Variants in PRLR observed in about 807,000 individuals in gnomAD.
PRLR encodes the protein hPRL receptor.
Under a neutral mutation model 40.2 loss-of-function variants are expected in PRLR, and 13 were observed. The ratio of observed to expected loss-of-function variants is 0.32; its 90% CI spans 0.21 to 0.51. The LOEUF is 0.51. PRLR is among the 20% of genes least tolerant of loss of function. The pLI is 0.97. For synonymous variants in PRLR, 269 were observed against 278.7 expected, an observed-to-expected ratio of 0.97 and a Z score of 0.35; for missense variants, 656 against 747.3, an observed-to-expected ratio of 0.88 and a Z score of 1.42.
In PRLR at chr5:35,084,653, T is replaced by C; in HGVS notation, c.204-14A>G. ...ATGAGTGTCTCTCTGCAATAAGTAA[T>C]GTATTAGGAATGAATAAGAAAGTAA... On this transcript the variant is annotated splice_polypyrimidine_tract_variant and intron_variant, in intron 4 of 9. Transcript: ENST00000618457. 2 of 1,607,082 alleles carry C rather than the reference T, an allele frequency of 1.2e-6. No individual in the cohort carries two copies. The highest frequency in any genetic ancestry group is 1.1e-5 in the South Asian group (1 of 89,632).
At chr5:35,109,388 ACTT>A (rs1220462702) in intron 2 of PRLR, among the ~76,000 whole-genome samples, 1 of 152,158 alleles carries the variant, frequency 6.6e-6, no homozygotes, top group African/African-American at 2.4e-5. Context: ...AAACTAAAGA[ACTT>A]CTGCCCAGCA....
chr5:35,049,252 T>C, exon 9 of PRLR: 1 of 703,006 alleles, frequency 1.4e-6, no homozygotes, highest in Non-Finnish European at 2.6e-6. Context: ...GGAGAAAATG[T>C]TGAGTTCCTG....
intron 2 of PRLR, among the ~76,000 whole-genome samples, chr5:35,097,657 GC>G (rs544032889): frequency 3.3e-5 from 5 of 152,164 alleles, no homozygotes; most frequent in Non-Finnish European, 5.9e-5. Flanking sequence ...CTCTAAGGCA[GC>G]CCTCTTCCTA....
chr5:35,108,606 C>G (rs961627738), intron 2 of PRLR, among the ~76,000 whole-genome samples: 1 of 152,090 alleles, frequency 6.6e-6, no homozygotes, highest in African/African-American at 2.4e-5. Flanking sequence ...GAGTGAACTC[C>G]CATTCACAAT....
At chr5:35,103,605 A>G (rs1286871723) in intron 2 of PRLR, among the ~76,000 whole-genome samples, 2 of 152,214 alleles carry the variant, frequency 1.3e-5, no homozygotes, top group African/African-American at 4.8e-5. Flanking sequence ...AAAACTCAAA[A>G]TGTTAGTCAA....
intron 2 of PRLR, among the ~76,000 whole-genome samples, chr5:35,115,248 GTCTC>G (rs1772939042): frequency 6.6e-6 from 1 of 152,140 alleles, no homozygotes; most frequent in African/African-American, 2.4e-5. Flanking sequence ...AATCGTTTCA[GTCTC>G]TCCACTGCAA....
intron 9 of PRLR, among the ~76,000 whole-genome samples, chr5:35,066,865 G>T (rs534786413): frequency 3.1e-4 from 46 of 148,306 alleles, no homozygotes; most frequent in African/African-American, 1.2e-3. Context: ...CCGGGTTCAC[G>T]CCATTCTCCT....
chr5:35,191,835 C>T (rs528620191), intron 1 of PRLR, among the ~76,000 whole-genome samples: 40 of 152,334 alleles, frequency 2.6e-4, no homozygotes, highest in African/African-American at 6.7e-4. Flanking sequence ...TGCACCCTTA[C>T]GATTTCAGCT....
chr5:35,228,525 A>G (rs923990846), intron 1 of PRLR, among the ~76,000 whole-genome samples: 2 of 152,200 alleles, frequency 1.3e-5, no homozygotes, highest in African/African-American at 2.4e-5. Flanking sequence ...TTCATTTCCA[A>G]ACAAAGCCTT....
chr5:35,149,032 G>A (rs570338470), intron 1 of PRLR, among the ~76,000 whole-genome samples: 4 of 152,198 alleles, frequency 2.6e-5, no homozygotes, highest in African/African-American at 9.6e-5. Context: ...GCAAGAAGAT[G>A]GCCTTGAGAA....
Position 35,065,220 on chromosome 5 carries a change from G to T in PRLR, c.1738C>A (p.Pro580Thr). Residue 580 changes from proline to threonine, a missense_variant, in exon 10 of 10, where the codon CCA becomes ACA. By Grantham distance (38) the Pro-to-Thr change is conservative. Around this residue, in one of 3 missense-constraint regions of PRLR, gnomAD observed 469 missense variants for 491.5 expected, o/e 0.95. Coordinates refer to ENST00000618457, the MANE Select transcript of PRLR (RefSeq NM_000949.7). ...ACFEESAKEA[P>T]PSLEQNQAEK... ...GCTTGATTCTGTTCAAGTGATGGTG[G>T]GGCCTCTTTGGCTGATTCTTCAAAG... The T allele has an allele frequency of 1.2e-6, 2 of 1,614,118 alleles. No homozygotes were observed. The highest frequency in any genetic ancestry group is 1.7e-6 in the Non-Finnish European group (2 of 1,180,018).
chr5:35,119,859 C>G (rs963632051), intron 1 of PRLR, among the ~76,000 whole-genome samples: 2 of 152,092 alleles, frequency 1.3e-5, no homozygotes, highest in Admixed American at 1.3e-4. Context: ...ACATCTGGAA[C>G]AGCAGATAGC....
At chr5:35,127,689 T>G (rs1000329675) in intron 1 of PRLR, among the ~76,000 whole-genome samples, 3 of 152,176 alleles carry the variant, frequency 2.0e-5, no homozygotes, top group Non-Finnish European at 4.4e-5. Flanking sequence ...AAGGAAGCAC[T>G]GATACATGCT....
At position 35,177,494 on chromosome 5, in the gene PRLR, C is replaced by T. The variant is rs545580867; in HGVS notation, c.-106+52774G>A. ...CCACCTCTCCCCAGCCCCTGGCAAA[C>T]ACTCATCTACTTTTTGTCTGTATGG... On this transcript the variant is annotated intron_variant, in intron 1 of 9. Coordinates refer to ENST00000618457, the MANE Select transcript of PRLR (RefSeq NM_000949.7). Among the ~76,000 whole-genome samples, 48 of 152,140 alleles carry T rather than the reference C, an allele frequency of 3.2e-4. No homozygotes were observed. The South Asian group carries it at 4.4e-3, about 14-fold the overall frequency.
intron 1 of PRLR, among the ~76,000 whole-genome samples, chr5:35,187,149 C>T (rs1775461737): frequency 1.3e-5 from 2 of 152,084 alleles, no homozygotes; most frequent in Admixed American, 1.3e-4. Flanking sequence ...ACCTGTGATC[C>T]CAGCACTTTG....
Position 35,197,597 on chromosome 5 carries a change from C to A in PRLR, c.-106+32671G>T, listed in dbSNP as rs7736148. On this transcript the variant is annotated intron_variant, in intron 1 of 9. Coordinates refer to ENST00000618457, the MANE Select transcript of PRLR (RefSeq NM_000949.7). ...TAGTCCTTCCTCCCACCTGTTCAGT[C>A]CTTGAGGCTGATATAGTAATTGATG... Among the ~76,000 whole-genome samples, 820 of 152,334 alleles carry A rather than the reference C, an allele frequency of 5.4e-3. 12 individuals are homozygous for A. The highest frequency in any genetic ancestry group is 0.019 in the African/African-American group (794 of 41,578).
chr5:35,126,935 T>C lies in PRLR; in HGVS notation c.-105-8813A>G, dbSNP rs371086196. On this transcript the variant is annotated intron_variant, in intron 1 of 9. Transcript: ENST00000618457. ...AAATACTGGCTCAATGTCCCAAAGA[T>C]AGGAGATGGCCATGCCAGGATCGTA... Among the ~76,000 whole-genome samples, 13 of 152,316 alleles carry C rather than the reference T, an allele frequency of 8.5e-5. No individual in the cohort carries two copies. The East Asian group carries it at 2.5e-3, about 29-fold the overall frequency.
At chr5:35,170,164 T>C (rs1774957729) in intron 1 of PRLR, among the ~76,000 whole-genome samples, 1 of 152,222 alleles carries the variant, frequency 6.6e-6, no homozygotes, top group Admixed American at 6.5e-5. Context: ...ATTGAAATGG[T>C]AAAATAGATG....
At chr5:35,055,255 A>G (rs1768653513), downstream of PRLR, among the ~76,000 whole-genome samples, 1 of 152,156 alleles carries the variant, frequency 6.6e-6, no homozygotes, top group African/African-American at 2.4e-5. Flanking sequence ...TCAGGTTTGG[A>G]AACATGGGAA....
Sources: allele counts gnomAD v4.1 joint callset (sites outside exome capture counted in the v4.1 genomes callset), GRCh38; gene constraint gnomAD v4.1.1; regional missense constraint gnomAD v4.1.1; transcripts MANE v1.5; gene names NCBI Gene and HGNC (gene_info 2026-07-23, HGNC 2026-07-21).